Variants in CDC73 observed in about 807,000 individuals in gnomAD.
The protein encoded by CDC73 is parafibromin.
CDC73 carries 21 observed loss-of-function variants against 83.7 expected under a neutral mutation model. The observed-to-expected ratio is 0.25, with a 90% confidence interval of 0.18 to 0.36. The LOEUF (loss-of-function observed/expected upper bound fraction) is 0.36. Among genes scored for constraint, CDC73 ranks in the 10% least tolerant of loss-of-function variants. The pLI, the probability that CDC73 is intolerant of heterozygous loss-of-function variation, is 1.00. For synonymous variants in CDC73, 224 were observed against 212.9 expected (o/e 1.05, Z -0.45); for missense variants, 342 against 653.3 (o/e 0.52, Z 5.19).
intron 6 of CDC73, among the ~76,000 whole-genome samples, chr1:193,139,951 C>G (rs943162385): frequency 2.6e-5 from 4 of 152,194 alleles, no homozygotes; most frequent in Non-Finnish European, 5.9e-5. Context: ...TTCAACCTTA[C>G]ATAGTTTCTT....
chr1:193,159,600 G>A (rs908630143), intron 10 of CDC73, among the ~76,000 whole-genome samples: 9 of 152,230 alleles, frequency 5.9e-5, no homozygotes, highest in African/African-American at 1.9e-4. Context: ...GACCTCAAGC[G>A]ATCTGCCTGC....
At chr1:193,155,645 C>T (rs1318156077) in intron 10 of CDC73, among the ~76,000 whole-genome samples, 5 of 152,088 alleles carry the variant, frequency 3.3e-5, no homozygotes, top group East Asian at 1.9e-4. Flanking sequence ...GATGTGATGA[C>T]GTGTGCATGT....
chr1:193,212,249 A>G (rs1677292108), intron 12 of CDC73, 141 bp from the exon 13 acceptor site: 6 of 829,218 alleles, frequency 7.2e-6, no homozygotes, highest in Admixed American at 2.7e-5. Flanking sequence ...TGATTATTAA[A>G]TATTTTTTAA....
chr1:193,190,134 C>T (rs1676893543), intron 10 of CDC73, among the ~76,000 whole-genome samples: 1 of 152,200 alleles, frequency 6.6e-6, no homozygotes, highest in South Asian at 2.1e-4. Context: ...GAAATACCAG[C>T]TATTTTTTCC....
intron 6 of CDC73, 144 bp from the exon 7 acceptor site, chr1:193,141,706 T>C (rs1417336423): frequency 4.4e-5 from 28 of 631,088 alleles, no homozygotes; most frequent in Admixed American, 2.8e-4. Flanking sequence ...AATTGCAGAA[T>C]AGCAAGTCAG....
chr1:193,249,872 G>A lies in CDC73; in HGVS notation c.1559+1G>A. The stretch of plus-strand genomic sequence containing the variant: ...TACGGTTTTGGGAAACATTGGACAG[G>A]TAATTCCGATTCTAAAATATGCTTG... On this transcript the variant is annotated splice_donor_variant, in intron 16 of 16. Transcript: ENST00000367435. LOFTEE classifies it high-confidence loss of function. 6.2e-7 allele frequency: 1 copy of A among 1,612,070 alleles called. No homozygotes were observed. The highest frequency in any genetic ancestry group is 8.5e-7 in the Non-Finnish European group (1 of 1,178,480).
rs1678061952 is a variant in CDC73, at chr1:193,252,605, G to T, written c.*1893G>T. On this transcript the variant is annotated 3_prime_UTR_variant, in exon 17 of 17. Transcript: ENST00000367435. ...TGGAAATACTGTAAAGGAACATTAG[G>T]AAAAGGACAAATAGGCTATAACCAT... 4.3e-6 allele frequency: 1 copy of T among 231,168 alleles called. No individual in the cohort carries two copies. Among genetic ancestry groups the T allele is most frequent in the African/African-American group, 2.2e-5 (1 of 45,226 alleles). The allele number at this position is 231,168 out of a possible 1,614,324, so 14.3% of individuals were successfully genotyped here.
intron 10 of CDC73, chr1:193,181,347 A>T (rs752581247): frequency 1.2e-6 from 2 of 1,614,022 alleles, no homozygotes; most frequent in South Asian, 1.1e-5. Flanking sequence ...GGTTTGTCTC[A>T]CTTTTTGTTG....
Position 193,252,429 on chromosome 1 carries a change from A to T in CDC73, c.*1717A>T, listed in dbSNP as rs1181854754. 4.3e-6 allele frequency: 1 copy of T among 230,052 alleles called. No homozygotes were observed. The highest frequency in any genetic ancestry group is 8.6e-6 in the Non-Finnish European group (1 of 116,114). The allele number at this position is 230,052 out of a possible 1,614,324, so 14.3% of individuals were successfully genotyped here. A position where few individuals can be genotyped will look rare whatever the true frequency, so the allele number is the denominator to read the frequency against. On this transcript the variant is annotated 3_prime_UTR_variant, in exon 17 of 17. Coordinates refer to ENST00000367435, the MANE Select transcript of CDC73 (RefSeq NM_024529.5). ...TTACTTGTCAAGACTACTACAAGTC[A>T]GTATGAACTACCTTCCCATAAAGAT...
At chr1:193,135,868 C>G (rs377430304) in intron 5 of CDC73, among the ~76,000 whole-genome samples, 1 of 127,178 alleles carries the variant, frequency 7.9e-6, no homozygotes, top group African/African-American at 2.9e-5. Context: ...CCTTTCTGTT[C>G]TTTTTTTTTT....
rs750008798 is a variant in CDC73, at chr1:193,138,068, C to A, written c.424-17C>A. Reference sequence around the variant, plus strand: ...TCAATAAAAATTTTAAATGCATTAACCAGTGGTTATTTCCAGGATGAAGAG... The same window carrying A: ...TCAATAAAAATTTTAAATGCATTAAACAGTGGTTATTTCCAGGATGAAGAG... On this transcript the variant is annotated splice_polypyrimidine_tract_variant and intron_variant, in intron 5 of 16. Coordinates refer to ENST00000367435, the MANE Select transcript of CDC73 (RefSeq NM_024529.5). 5 of 1,586,790 alleles carry A rather than the reference C, an allele frequency of 3.2e-6. No homozygotes were observed. In the East Asian group the frequency reaches 8.9e-5, roughly 28 times the overall value.
At chr1:193,182,144 A>G (rs1310461378) in intron 10 of CDC73, among the ~76,000 whole-genome samples, 1 of 152,090 alleles carries the variant, frequency 6.6e-6, no homozygotes, top group African/African-American at 2.4e-5. Flanking sequence ...CAGTTGTGGG[A>G]CAGACGGTGC....
chr1:193,133,956 A>G (rs1675741361), intron 3 of CDC73, among the ~76,000 whole-genome samples: 1 of 151,898 alleles, frequency 6.6e-6, no homozygotes, highest in African/African-American at 2.4e-5. Flanking sequence ...GTTTGATAAT[A>G]TGCTCTGGTG....
intron 10 of CDC73, among the ~76,000 whole-genome samples, chr1:193,193,067 A>G (rs1438441083): frequency 6.6e-6 from 1 of 152,072 alleles, no homozygotes; most frequent in Admixed American, 6.6e-5. Flanking sequence ...TTCTCCCACC[A>G]CCCTGACCAA....
At chr1:193,202,810 C>T (rs953009980) in intron 10 of CDC73, among the ~76,000 whole-genome samples, 1 of 151,754 alleles carries the variant, frequency 6.6e-6, no homozygotes, top group African/African-American at 2.4e-5. Context: ...ATGGGATAGC[C>T]TGCTATTTCA....
intron 10 of CDC73, chr1:193,181,440 CA>C: frequency 6.2e-7 from 1 of 1,613,930 alleles, no homozygotes; most frequent in South Asian, 1.1e-5. Context: ...GATTGAAAAA[CA>C]AAAACATAGC....
intron 11 of CDC73, among the ~76,000 whole-genome samples, chr1:193,205,416 A>C (rs867484406): frequency 6.6e-6 from 1 of 152,106 alleles, no homozygotes; most frequent in Non-Finnish European, 1.5e-5. Flanking sequence ...TTCTGGAGGC[A>C]CATCAAAAGT....
At chr1:193,218,509 C>G (rs887941347) in intron 13 of CDC73, among the ~76,000 whole-genome samples, 1 of 152,168 alleles carries the variant, frequency 6.6e-6, no homozygotes, top group Non-Finnish European at 1.5e-5. Context: ...TACACAATTT[C>G]AAACTATACA....
At chr1:193,195,084 G>A (rs1676979965) in intron 10 of CDC73, among the ~76,000 whole-genome samples, 1 of 152,084 alleles carries the variant, frequency 6.6e-6, no homozygotes, top group Non-Finnish European at 1.5e-5. Flanking sequence ...GAAGTCTCAG[G>A]ATCTGTGTCA....
Sources: allele counts gnomAD v4.1 joint callset (sites outside exome capture counted in the v4.1 genomes callset), GRCh38; gene constraint gnomAD v4.1.1; transcripts MANE v1.5; gene names NCBI Gene and HGNC (gene_info 2026-07-23, HGNC 2026-07-21).